Variants in MCTS1 observed in about 807,000 individuals in gnomAD.
MCTS1 encodes the protein malignant T-cell-amplified sequence 1.
For synonymous variants in MCTS1, 26 were observed against 40.8 expected, an observed-to-expected ratio of 0.64 and a Z score of 1.38; for missense variants, 55 against 128.6, an observed-to-expected ratio of 0.43 and a Z score of 2.77.
At chrX:120,604,330 C>T (rs974017936) in intron 1 of MCTS1, 83 bp downstream of exon 1, 18 of 1,128,561 alleles carry the variant, frequency 1.6e-5, no homozygotes, top group Non-Finnish European at 2.2e-5. Flanking sequence ...CTAAGATCCT[C>T]TTTCTCTCTC....
At position 120,611,122 on chromosome X, in the gene MCTS1, A is replaced by G. The variant is rs1277535704; in HGVS notation, c.464+44A>G. 2.7e-6 allele frequency: 3 copies of G among 1,121,578 alleles called. No homozygotes were observed. In the African/African-American group the frequency reaches 5.4e-5, roughly 20 times the overall value. 92.4% of individuals were successfully genotyped at this position (1,121,578 alleles called of 1,213,427 possible). ...CCCCTTAACTTTTGATATATGGGTA[A>G]CCAACCCAGGAAGCATCAGAATTAC... On this transcript the variant is annotated intron_variant, in intron 5 of 5. Coordinates refer to ENST00000371317, the MANE Select transcript of MCTS1 (RefSeq NM_014060.3).
At chrX:120,609,700 A>G (rs972014644) in intron 4 of MCTS1, among the ~76,000 whole-genome samples, 7 of 111,655 alleles carry the variant, frequency 6.3e-5, no homozygotes, top group African/African-American at 2.3e-4. Flanking sequence ...TTTGTTTTTA[A>G]TATTTATTAA....
intron 1 of MCTS1, chrX:120,604,968 C>A: frequency 1.1e-6 from 1 of 878,476 alleles, no homozygotes. Flanking sequence ...CATAGCCTAG[C>A]AGGGGCCGAT....
rs192317004 is a variant in MCTS1 at position 120,618,503 on chromosome X, C to A, written c.*6239C>A. Among the ~76,000 whole-genome samples the A allele has an allele frequency of 1.8e-5, 2 of 111,993 alleles. No homozygotes were observed. Among genetic ancestry groups the A allele is most frequent in the African/African-American group, 3.2e-5 (1 of 30,848 alleles). ...AGGATTAAGAAAAAGTTTTCTTTTG[C>A]GTGACTAAATTCTTTCCACAGTTTG... is the stretch of plus-strand genomic sequence containing the variant. On this transcript the variant is annotated 3_prime_UTR_variant, in exon 6 of 6. Transcript: ENST00000371317.
Position 120,615,797 on chromosome X carries a change from A to G in MCTS1, c.*3533A>G, listed in dbSNP as rs1172459821. ...TGGTAGTGGTCTGTTGGGAAGCTGC[A>G]TTTTTCCTTTTCTGTTTTTATGCTC... is the stretch of plus-strand genomic sequence containing the variant. On this transcript the variant is annotated 3_prime_UTR_variant, in exon 6 of 6. Transcript: ENST00000371317. Among the ~76,000 whole-genome samples, 1 of 111,278 alleles carries G rather than the reference A, an allele frequency of 9.0e-6. No homozygotes were observed.
chrX:120,610,786 GAA>G (rs1926667181), intron 4 of MCTS1: 1 of 337,213 alleles, frequency 3.0e-6, no homozygotes, highest in Non-Finnish European at 5.3e-6. Flanking sequence ...TGACTTGAAA[GAA>G]AAGGGGTTAT....
chrX:120,619,381 C>T lies in MCTS1; in HGVS notation c.*7117C>T, dbSNP rs1926949040. On this transcript the variant is annotated 3_prime_UTR_variant, in exon 6 of 6. Transcript: ENST00000371317. ...AGAAATAACATTCTCCAAGTACCTA[C>T]CATGTGCACAAGCTCTACTTATATA... is the stretch of plus-strand genomic sequence containing the variant. Among the ~76,000 whole-genome samples the T allele has an allele frequency of 9.0e-6, 1 of 110,725 alleles. No homozygotes were observed.
At position 120,619,518 on chromosome X, in the gene MCTS1, CT is replaced by C. The variant is rs1926953694; in HGVS notation, c.*7255del. Among the ~76,000 whole-genome samples, 1 of 109,153 alleles carries C rather than the reference CT, an allele frequency of 9.2e-6. No homozygotes were observed. The highest frequency in any genetic ancestry group is 1.9e-5 in the Non-Finnish European group (1 of 52,423). The allele number at this position is 109,153 out of a possible 115,157, so 94.8% of individuals were successfully genotyped here. ...CAACTTCAGGAAAGTTGTATGACCT[CT>C]CTGAGGTAATAAATGGCAGAACTGG... is the stretch of plus-strand genomic sequence containing the variant. On this transcript the variant is annotated 3_prime_UTR_variant, in exon 6 of 6. Transcript: ENST00000371317.
intron 3 of MCTS1, among the ~76,000 whole-genome samples, chrX:120,607,448 C>T (rs1357159012): frequency 9.0e-6 from 1 of 111,063 alleles, no homozygotes; most frequent in Non-Finnish European, 1.9e-5. Context: ...CCTTAACCAA[C>T]TTCTCCTCAT....
At chrX:120,604,291 TGGGGTG>T in intron 1 of MCTS1, 44 bp downstream of exon 1, 1 of 1,076,458 alleles carries the variant, frequency 9.3e-7, no homozygotes, top group Non-Finnish European at 1.3e-6. Flanking sequence ...ACAAAGGCGG[TGGGGTG>T]GGGGTGGGGA....
At chrX:120,604,759 T>C (rs986840410) in intron 1 of MCTS1, 1 of 1,083,568 alleles carries the variant, frequency 9.2e-7, no homozygotes, top group Non-Finnish European at 1.2e-6. Context: ...GATTGCCCCA[T>C]AGGCTATTCA....
In MCTS1 at chrX:120,613,062, G is replaced by A. The variant is rs910171861; in HGVS notation, c.*798G>A. Among the ~76,000 whole-genome samples the A allele has an allele frequency of 7.3e-5, 8 of 109,225 alleles. No homozygotes were observed. Among genetic ancestry groups the A allele is most frequent in the African/African-American group, 2.7e-4 (8 of 29,901 alleles). 94.8% of individuals were successfully genotyped at this position (109,225 alleles called of 115,157 possible). On this transcript the variant is annotated 3_prime_UTR_variant, in exon 6 of 6. Transcript: ENST00000371317. ...GTGCCTCAGCCTCCTGAGTAGCTGGGATTACAGGCACGTGCCACCATGCCC... is the reference window on the plus strand; with the variant it reads ...GTGCCTCAGCCTCCTGAGTAGCTGGAATTACAGGCACGTGCCACCATGCCC...
At position 120,604,209 on chromosome X, in the gene MCTS1, C is replaced by T; in HGVS notation, c.-28C>T. Reference sequence around the variant, plus strand: ...ATTTCTTTCCCATTCCGGGCCCTTCCCTATCGTCGCCCCCTTCACCTTGGA... The same window carrying T: ...ATTTCTTTCCCATTCCGGGCCCTTCTCTATCGTCGCCCCCTTCACCTTGGA... On this transcript the variant is annotated 5_prime_UTR_variant, in exon 1 of 6. Coordinates refer to ENST00000371317, the MANE Select transcript of MCTS1 (RefSeq NM_014060.3). 1 of 1,207,872 alleles carries T rather than the reference C, an allele frequency of 8.3e-7. No homozygotes were observed.
rs775451506 is a variant in MCTS1 at position 120,604,320 on chromosome X, C to T, written c.11+73C>T. 67 of 1,153,191 alleles carry T rather than the reference C, an allele frequency of 5.8e-5. 1 individual carries two copies. The Admixed American group carries it at 1.0e-3, about 17-fold the overall frequency. On this transcript the variant is annotated intron_variant, in intron 1 of 5. Transcript: ENST00000371317. Reference sequence around the variant, plus strand: ...GTGGGGGTGGGGAAGAGGGCGAGAGCTAAGATCCTCTTTCTCTCTCCCCCG... The same window carrying T: ...GTGGGGGTGGGGAAGAGGGCGAGAGTTAAGATCCTCTTTCTCTCTCCCCCG...
chrX:120,613,813 G>A lies in MCTS1; in HGVS notation c.*1549G>A, dbSNP rs1926768193. 8.9e-6 allele frequency among the ~76,000 whole-genome samples: 1 copy of A among 112,227 alleles called. No individual in the cohort carries two copies. The highest frequency in any genetic ancestry group is 3.2e-5 in the African/African-American group (1 of 30,944). On this transcript the variant is annotated 3_prime_UTR_variant, in exon 6 of 6. Transcript: ENST00000371317. ...CTTAAATAATGTATATCTTCTATAA[G>A]TGGAATATGAGGGACATGGACCTGC...
rs1926811658 is a variant in MCTS1, at chrX:120,615,122, G to A, written c.*2858G>A. Among the ~76,000 whole-genome samples, 1 of 111,925 alleles carries A rather than the reference G, an allele frequency of 8.9e-6. No homozygotes were observed. Among genetic ancestry groups the A allele is most frequent in the Non-Finnish European group, 1.9e-5 (1 of 53,221 alleles). On this transcript the variant is annotated 3_prime_UTR_variant, in exon 6 of 6. Coordinates refer to ENST00000371317, the MANE Select transcript of MCTS1 (RefSeq NM_014060.3). ...ATCCTTGTCATTTTCTAAACATTAG[G>A]TCATACATGAAAGGCAATTCAAAGA...
rs1602611399 is a variant in MCTS1, at chrX:120,614,974, T to G, written c.*2710T>G. Among the ~76,000 whole-genome samples the G allele has an allele frequency of 8.9e-6, 1 of 112,214 alleles. No individual in the cohort carries two copies. The highest frequency in any genetic ancestry group is 2.8e-4 in the East Asian group (1 of 3,592). On this transcript the variant is annotated 3_prime_UTR_variant, in exon 6 of 6. Coordinates refer to ENST00000371317, the MANE Select transcript of MCTS1 (RefSeq NM_014060.3). Reference sequence around the variant, plus strand: ...ACATCAACATCTGTGCTTGTTTTTCTACTGTGCTGAGGTACACTGTGTTGC... The same window carrying G: ...ACATCAACATCTGTGCTTGTTTTTCGACTGTGCTGAGGTACACTGTGTTGC...
chrX:120,608,351 C>G lies in MCTS1; in HGVS notation c.389C>G (p.Thr130Ser). ...AAGCTTTACCCTGCTGCAGTAGATA[C>G]CATTGTTGTATCCTTCCCAGGCTAA... ...GAKLYPAAVD[T>S]IVAIMAEGKQ... is the part of the protein sequence containing the mutation. Residue 130 changes from threonine to serine, a missense_variant, in exon 4 of 6, where the codon ACC becomes AGC. Transcript: ENST00000371317. 8.4e-7 allele frequency: 1 copy of G among 1,186,741 alleles called. No homozygotes were observed. Among genetic ancestry groups the G allele is most frequent in the Non-Finnish European group, 1.1e-6 (1 of 881,525 alleles).
chrX:120,611,975 T>G (rs1002110786), intron 5 of MCTS1, among the ~76,000 whole-genome samples: 16 of 112,124 alleles, frequency 1.4e-4, no homozygotes, highest in African/African-American at 4.9e-4. Flanking sequence ...ATAGACCCAC[T>G]AGTTAGATCA....
Sources: gnomAD v4.1 joint callset for allele counts (sites outside exome capture counted in the v4.1 genomes callset) on GRCh38, gnomAD v4.1.1 for gene constraint, MANE v1.5 for transcripts, NCBI Gene and HGNC (gene_info 2026-07-23, HGNC 2026-07-21) for gene names.